Variants in SLC25A21 observed in about 807,000 individuals in gnomAD.
SLC25A21 encodes the protein mitochondrial 2-oxodicarboxylate carrier.
A neutral mutation model predicts 43.8 loss-of-function variants in SLC25A21; 47 were observed. The observed-to-expected ratio is 1.07, with a 90% CI of 0.85 to 1.37. The LOEUF is 1.37. Among genes scored for constraint, SLC25A21 ranks in the 40% most tolerant of loss-of-function variants. The pLI is 0.00. For missense variants in SLC25A21, 352 were observed against 350.2 expected (o/e 1.00, Z -0.04); for synonymous variants, 131 against 121.3 (o/e 1.08, Z -0.52).
intron 1 of SLC25A21, among the ~76,000 whole-genome samples, chr14:36,879,944 CACATGT>C (rs1890662534): frequency 6.6e-6 from 1 of 152,144 alleles, no homozygotes; most frequent in South Asian, 2.1e-4. Context: ...TCCGTAAGGA[CACATGT>C]ACATATACTT....
intron 3 of SLC25A21, among the ~76,000 whole-genome samples, chr14:36,795,000 C>T (rs975470268): frequency 6.6e-6 from 1 of 152,026 alleles, no homozygotes; most frequent in East Asian, 1.9e-4. Context: ...GGCCACTAGA[C>T]CATGCTAGTA....
chr14:37,016,128 C>A (rs1033344284), intron 1 of SLC25A21, among the ~76,000 whole-genome samples: 1 of 152,056 alleles, frequency 6.6e-6, no homozygotes, highest in African/African-American at 2.4e-5. Context: ...ATGCCTATGT[C>A]CTGAATGGTA....
At chr14:36,887,447 T>C (rs564516461) in intron 1 of SLC25A21, among the ~76,000 whole-genome samples, 22 of 151,476 alleles carry the variant, frequency 1.5e-4, no homozygotes, top group African/African-American at 7.3e-5. Flanking sequence ...CCTGTAATCC[T>C]AGCTACTTGA....
chr14:37,032,955 T>C (rs1346584412), intron 1 of SLC25A21, among the ~76,000 whole-genome samples: 1 of 152,214 alleles, frequency 6.6e-6, no homozygotes, highest in East Asian at 1.9e-4. Context: ...AAGTTTTCCA[T>C]CTTTTTAAAA....
intron 1 of SLC25A21, among the ~76,000 whole-genome samples, chr14:37,161,822 G>C (rs1218349880): frequency 6.6e-6 from 1 of 151,870 alleles, no homozygotes; most frequent in East Asian, 1.9e-4. Context: ...AATTAGCAAG[G>C]CATGGTGGTG....
chr14:36,769,333 C>G (rs1240050794), intron 3 of SLC25A21, among the ~76,000 whole-genome samples: 2 of 152,164 alleles, frequency 1.3e-5, no homozygotes, highest in African/African-American at 4.8e-5. Flanking sequence ...TTCTTCCTCT[C>G]CCTTCAATAT....
At chr14:36,822,322 A>C (rs1276235596) in intron 2 of SLC25A21, among the ~76,000 whole-genome samples, 1 of 152,230 alleles carries the variant, frequency 6.6e-6, no homozygotes, top group Non-Finnish European at 1.5e-5. Flanking sequence ...ACTCATACAT[A>C]TTTGGCTGCT....
chr14:36,786,121 T>C (rs1369928596), intron 3 of SLC25A21, among the ~76,000 whole-genome samples: 10 of 152,348 alleles, frequency 6.6e-5, no homozygotes, highest in Admixed American at 6.5e-4. Context: ...CGCCTGGATT[T>C]ATTTATTAGC....
chr14:36,681,036 C>T (rs1455672194), intron 9 of SLC25A21, among the ~76,000 whole-genome samples: 1 of 152,146 alleles, frequency 6.6e-6, no homozygotes, highest in Non-Finnish European at 1.5e-5. Context: ...CATGTAAGGG[C>T]ATGTGGCTTT....
chr14:36,962,704 T>C (rs759028076), intron 1 of SLC25A21, among the ~76,000 whole-genome samples: 4 of 152,180 alleles, frequency 2.6e-5, no homozygotes, highest in African/African-American at 9.7e-5. Flanking sequence ...TCTGGAAAAA[T>C]AGCCAGAAAG....
chr14:37,056,148 A>T (rs1465317375), intron 1 of SLC25A21, among the ~76,000 whole-genome samples: 1 of 152,146 alleles, frequency 6.6e-6, no homozygotes, highest in Non-Finnish European at 1.5e-5. Flanking sequence ...AGGCCTACCC[A>T]GAAACAGAAG....
At chr14:36,993,552 T>C (rs911009) in intron 1 of SLC25A21, among the ~76,000 whole-genome samples, 128,645 of 152,098 alleles carry the variant, frequency 0.85, 54,772 homozygotes, top group African/African-American at 0.93. Flanking sequence ...TCATTAAAAC[T>C]AGAATTAATT....
intron 1 of SLC25A21, among the ~76,000 whole-genome samples, chr14:37,064,300 A>C (rs912862875): frequency 6.6e-6 from 1 of 152,134 alleles, no homozygotes; most frequent in African/African-American, 2.4e-5. Flanking sequence ...TCCCTGAGGC[A>C]TTCAGACTTG....
intron 1 of SLC25A21, among the ~76,000 whole-genome samples, chr14:36,936,333 C>T (rs545442901): frequency 1.2e-4 from 18 of 152,084 alleles, no homozygotes; most frequent in Non-Finnish European, 2.1e-4. Flanking sequence ...TTTCCACCAG[C>T]CCCCCTCCCA....
intron 3 of SLC25A21, among the ~76,000 whole-genome samples, chr14:36,742,004 G>C (rs1885285625): frequency 6.6e-6 from 1 of 152,168 alleles, no homozygotes. Context: ...AAGCCTTACA[G>C]TCAATCATAT....
intron 6 of SLC25A21, among the ~76,000 whole-genome samples, chr14:36,724,942 T>C (rs1278821317): frequency 6.6e-6 from 1 of 152,170 alleles, no homozygotes; most frequent in African/African-American, 2.4e-5. Flanking sequence ...AAAGAAGTTT[T>C]GCCAGCAGCT....
rs538545144 is a variant in SLC25A21 at position 36,971,605 on chromosome 14, C to T, written c.71-96601G>A. Among the ~76,000 whole-genome samples the T allele has an allele frequency of 1.8e-4, 27 of 152,166 alleles. No individual in the cohort carries two copies. The East Asian group carries it at 4.9e-3, about 27-fold the overall frequency. The stretch of plus-strand genomic sequence containing the variant: ...TCTGCTATGGTCCGCTGCTCCCTTT[C>T]GGGCACCTCTCTCTCAAAAAGGAGA... On this transcript the variant is annotated intron_variant, in intron 1 of 9. Transcript: ENST00000331299.
At chr14:37,140,234 T>C (rs1049056207) in intron 1 of SLC25A21, among the ~76,000 whole-genome samples, 1 of 152,226 alleles carries the variant, frequency 6.6e-6, no homozygotes, top group Non-Finnish European at 1.5e-5. Context: ...TCATATATTC[T>C]GCCTTGGTAG....
intron 2 of SLC25A21, among the ~76,000 whole-genome samples, chr14:36,849,451 C>T (rs1438759447): frequency 6.6e-6 from 1 of 152,088 alleles, no homozygotes; most frequent in Non-Finnish European, 1.5e-5. Flanking sequence ...TCATAATGAA[C>T]AAAAACTATC....
Sources: gnomAD v4.1 joint callset for allele counts (sites outside exome capture counted in the v4.1 genomes callset) on GRCh38, gnomAD v4.1.1 for gene constraint, MANE v1.5 for transcripts, NCBI Gene and HGNC (gene_info 2026-07-23, HGNC 2026-07-21) for gene names.